The following SPATA16 variants were observed in gnomAD, a reference collection of about 807,000 sequenced individuals.
SPATA16 encodes the protein spermatogenesis-associated protein 16.
Under a neutral mutation model 63.3 loss-of-function variants are expected in SPATA16, and 36 were observed. That is an observed-to-expected ratio of 0.57 (90% CI 0.44 to 0.75). The LOEUF (loss-of-function observed/expected upper bound fraction) is 0.75. SPATA16 is among the 30% of genes least tolerant of loss of function. The pLI is 0.00. For missense variants in SPATA16, 646 were observed against 679.3 expected (o/e 0.95, Z 0.54); for synonymous variants, 203 against 216.7 (o/e 0.94, Z 0.56).
intron 4 of SPATA16, among the ~76,000 whole-genome samples, chr3:172,997,054 A>C (rs1244611353): frequency 6.6e-6 from 1 of 152,136 alleles, no homozygotes; most frequent in African/African-American, 2.4e-5. Flanking sequence ...TCTTGGTTGC[A>C]CTTATGTGTC....
At chr3:173,038,372 G>A (rs1177429930) in intron 3 of SPATA16, among the ~76,000 whole-genome samples, 1 of 152,050 alleles carries the variant, frequency 6.6e-6, no homozygotes, top group African/African-American at 2.4e-5. Flanking sequence ...TATAGCCTGG[G>A]TGAGGCCGAT....
rs181307417 is a variant in SPATA16, at chr3:172,913,883, C to T, written c.1504-139G>A. ...TCATCTTTCCTACAATGAATATTGC[C>T]ACCTCATCTTTGCTTGTCATTGCCG... is the stretch of plus-strand genomic sequence containing the variant. On this transcript the variant is annotated intron_variant, in intron 9 of 10. Coordinates refer to ENST00000351008, the MANE Select transcript of SPATA16 (RefSeq NM_031955.6). The T allele has an allele frequency of 3.5e-3, 2,597 of 741,134 alleles. 8 individuals carry two copies. Among genetic ancestry groups the T allele is most frequent in the Non-Finnish European group, 4.8e-3 (2,079 of 434,802 alleles). 45.9% of individuals were successfully genotyped at this position (741,134 alleles called of 1,614,324 possible).
intron 4 of SPATA16, among the ~76,000 whole-genome samples, chr3:173,000,291 A>G (rs1472546648): frequency 6.6e-6 from 1 of 152,202 alleles, no homozygotes; most frequent in Non-Finnish European, 1.5e-5. Flanking sequence ...TGTGAAATAC[A>G]TTTCTATTGT....
intron 3 of SPATA16, among the ~76,000 whole-genome samples, chr3:173,021,389 A>G (rs368659369): frequency 1.4e-4 from 21 of 152,328 alleles, no homozygotes; most frequent in South Asian, 6.2e-4. Context: ...ACTGTACTCT[A>G]TGACAAGGAT....
At chr3:172,970,354 A>G (rs200182929) in intron 5 of SPATA16, among the ~76,000 whole-genome samples, 2 of 152,292 alleles carry the variant, frequency 1.3e-5, no homozygotes, top group South Asian at 2.1e-4. Flanking sequence ...TTATTCTTAT[A>G]GAATTCTGCT....
intron 4 of SPATA16, among the ~76,000 whole-genome samples, chr3:173,004,249 A>G (rs1734890409): frequency 6.6e-6 from 1 of 152,184 alleles, no homozygotes; most frequent in Non-Finnish European, 1.5e-5. Context: ...TCTTTGACAG[A>G]AATGAAGGAA....
chr3:173,043,972 G>A (rs940481556), intron 3 of SPATA16, among the ~76,000 whole-genome samples: 1 of 151,988 alleles, frequency 6.6e-6, no homozygotes, highest in Non-Finnish European at 1.5e-5. Flanking sequence ...CCAGTGATTT[G>A]TATCATTGTT....
At chr3:172,976,838 A>G (rs1359251225) in intron 5 of SPATA16, 130 bp downstream of exon 5, 8 of 751,962 alleles carry the variant, frequency 1.1e-5, no homozygotes, top group African/African-American at 1.7e-5. Context: ...ATACATTATT[A>G]TTCAGTACCT....
rs935639916 is a variant in SPATA16 at position 173,115,479 on chromosome 3, A to T, written c.612+1641T>A. Among the ~76,000 whole-genome samples the T allele has an allele frequency of 3.3e-5, 5 of 152,320 alleles. No homozygotes were observed. The East Asian group carries it at 9.7e-4, about 29-fold the overall frequency. On this transcript the variant is annotated intron_variant, in intron 2 of 10. Transcript: ENST00000351008. ...ACGAAGGCTGCAGAGCTTTAGCTCA[A>T]AAGACTGTTCAAAAGAACAGAGGGT...
chr3:172,900,445 G>A (rs1232838749), intron 10 of SPATA16, among the ~76,000 whole-genome samples: 1 of 151,870 alleles, frequency 6.6e-6, no homozygotes, highest in Admixed American at 6.6e-5. Flanking sequence ...TTATAATTTT[G>A]TCTTTTGCCA....
chr3:173,078,972 A>G (rs1387372378), intron 2 of SPATA16, among the ~76,000 whole-genome samples: 1 of 152,254 alleles, frequency 6.6e-6, no homozygotes, highest in Non-Finnish European at 1.5e-5. Flanking sequence ...CCATTATGGT[A>G]CACTAATTAA....
At chr3:173,123,974 C>T (rs773928205) in intron 1 of SPATA16, among the ~76,000 whole-genome samples, 11 of 152,054 alleles carry the variant, frequency 7.2e-5, no homozygotes, top group Non-Finnish European at 1.6e-4. Flanking sequence ...TATATTGCAG[C>T]CGTCATTAGA....
At chr3:173,057,651 A>G (rs540412000) in intron 2 of SPATA16, among the ~76,000 whole-genome samples, 114 of 152,312 alleles carry the variant, frequency 7.5e-4, no homozygotes, top group African/African-American at 2.7e-3. Flanking sequence ...ATTCTCCCCA[A>G]ACATCTGGCC....
chr3:173,037,999 A>G (rs1215141936), intron 3 of SPATA16, among the ~76,000 whole-genome samples: 1 of 152,136 alleles, frequency 6.6e-6, no homozygotes, highest in Non-Finnish European at 1.5e-5. Context: ...AAATGTGAAA[A>G]GTCGAAGGGA....
At chr3:172,911,546 A>G (rs1732372643) in intron 10 of SPATA16, among the ~76,000 whole-genome samples, 1 of 152,158 alleles carries the variant, frequency 6.6e-6, no homozygotes. Flanking sequence ...TTACTTAACC[A>G]TTCTTTATAT....
At position 172,916,355 on chromosome 3, in the gene SPATA16, G is replaced by A; in HGVS notation, c.1465C>T (p.Pro489Ser). 1 of 1,613,708 alleles carries A rather than the reference G, an allele frequency of 6.2e-7. No individual in the cohort carries two copies. Among genetic ancestry groups the A allele is most frequent in the Non-Finnish European group, 8.5e-7 (1 of 1,179,728 alleles). Residue 489 changes from proline (P) to serine (S), a missense_variant, in exon 9 of 11, where the codon CCC becomes TCC. Transcript: ENST00000351008. ...NQAMAELATI[P>S]YLQDISQQEA... ...TGTTGACTGATGTCCTGTAGGTAGG[G>A]AATGGTTGCTAGCTCTGCCATTGCT...
chr3:172,988,480 G>A (rs557572881), intron 4 of SPATA16, among the ~76,000 whole-genome samples: 46 of 152,264 alleles, frequency 3.0e-4, no homozygotes, highest in African/African-American at 7.5e-4. Context: ...TATGCCAATC[G>A]TGCTTGTCAG....
chr3:173,112,751 G>A (rs1162803782), intron 2 of SPATA16, among the ~76,000 whole-genome samples: 1 of 152,148 alleles, frequency 6.6e-6, no homozygotes, highest in African/African-American at 2.4e-5. Flanking sequence ...CACCTCAAGG[G>A]GCTGCTGCAT....
chr3:172,928,152 G>T (rs1395489678), intron 6 of SPATA16, among the ~76,000 whole-genome samples: 1 of 152,046 alleles, frequency 6.6e-6, no homozygotes, highest in Admixed American at 6.5e-5. Context: ...CAGGTGATCC[G>T]CCCAACACAC....
Sources: allele counts gnomAD v4.1 joint callset (sites outside exome capture counted in the v4.1 genomes callset), GRCh38; gene constraint gnomAD v4.1.1; transcripts MANE v1.5; gene names NCBI Gene and HGNC (gene_info 2026-07-23, HGNC 2026-07-21).